The following CDC42BPG variants were observed in gnomAD, a reference collection of about 807,000 sequenced individuals.
The protein encoded by CDC42BPG is serine/threonine-protein kinase MRCK gamma.
Under a neutral mutation model 192.2 loss-of-function variants are expected in CDC42BPG, and 157 were observed. The ratio of observed to expected loss-of-function variants is 0.82; its 90% CI spans 0.72 to 0.93. The LOEUF (loss-of-function observed/expected upper bound fraction) is 0.93, where lower values mean the gene tolerates loss of function less well. Among genes scored for constraint, CDC42BPG ranks in the 40% least tolerant of loss-of-function variants. The probability of loss-of-function intolerance (pLI) is 0.00; values close to 1 mark genes in which losing one functional copy is unlikely to be tolerated. For missense variants in CDC42BPG, 1,992 were observed against 2,122.1 expected (o/e 0.94, Z 1.20); for synonymous variants, 981 against 918.5 (o/e 1.07, Z -1.23).
chr11:64,824,557 G>A (rs1178152861), intron 36 of CDC42BPG, 28 bp from the exon 37 acceptor site: 1 of 1,556,850 alleles, frequency 6.4e-7, no homozygotes. Context: ...GGAAGTCAAG[G>A]GGTAGGATCA....
At chr11:64,836,641 C>T (rs1390925727) in intron 11 of CDC42BPG, 98 bp downstream of exon 11, 3 of 1,269,248 alleles carry the variant, frequency 2.4e-6, no homozygotes, top group Admixed American at 3.9e-5. Context: ...GTATAAAATG[C>T]TCTCCCAGGA....
Position 64,835,039 on chromosome 11 carries a change from G to T in CDC42BPG, c.2060+8C>A. The T allele has an allele frequency of 6.6e-7, 1 of 1,514,264 alleles. No individual in the cohort carries two copies. The highest frequency in any genetic ancestry group is 9.0e-7 in the Non-Finnish European group (1 of 1,117,216). 93.8% of individuals were successfully genotyped at this position (1,514,264 alleles called of 1,614,324 possible). On this transcript the variant is annotated splice_region_variant and intron_variant, in intron 17 of 36. Coordinates refer to ENST00000342711, the MANE Select transcript of CDC42BPG (RefSeq NM_017525.3). ...CGTTCCCCACCCCGACCCACCCCTGGCACCCACCAGCTGAGGATGTCGGCG... is the reference window on the plus strand; with the variant it reads ...CGTTCCCCACCCCGACCCACCCCTGTCACCCACCAGCTGAGGATGTCGGCG...
Position 64,830,545 on chromosome 11 carries a change from A to G in CDC42BPG, c.3305-289T>C, listed in dbSNP as rs530948800. On this transcript the variant is annotated intron_variant, in intron 28 of 36. Transcript: ENST00000342711. ...GGACAACGATGGTACTTCCTCACAG[A>G]GCAACTCTGAGGAAGCGAGGAAGTG... The G allele has an allele frequency of 3.5e-5, 18 of 519,316 alleles. No homozygotes were observed. The Admixed American group carries it at 5.5e-4, about 16-fold the overall frequency. The allele number at this position is 519,316 out of a possible 1,614,324, so 32.2% of individuals were successfully genotyped here. A position where few individuals can be genotyped will look rare whatever the true frequency, so the allele number is the denominator to read the frequency against.
chr11:64,827,872 G>A (rs762706530), intron 30 of CDC42BPG, 89 bp from the exon 31 acceptor site: 1 of 1,118,262 alleles, frequency 8.9e-7, no homozygotes, highest in Non-Finnish European at 1.3e-6. Flanking sequence ...TAACTACCAT[G>A]CCCCACGCTA....
At position 64,844,592 on chromosome 11, in the gene CDC42BPG, C is replaced by T; in HGVS notation, c.-23G>A. Reference sequence around the variant, plus strand: ...CATGGCTGCGGCCGGAGCCTCGCTGCTCGGCTACAGTCTGGCCGCCCGCAT... The same window carrying T: ...CATGGCTGCGGCCGGAGCCTCGCTGTTCGGCTACAGTCTGGCCGCCCGCAT... On this transcript the variant is annotated 5_prime_UTR_variant, in exon 1 of 37. Coordinates refer to ENST00000342711, the MANE Select transcript of CDC42BPG (RefSeq NM_017525.3). 5.6e-6 allele frequency: 7 copies of T among 1,257,012 alleles called. No individual in the cohort carries two copies. Among genetic ancestry groups the T allele is most frequent in the Non-Finnish European group, 6.0e-6 (6 of 1,001,116 alleles). The allele number at this position is 1,257,012 out of a possible 1,614,324, so 77.9% of individuals were successfully genotyped here. A position where few individuals can be genotyped will look rare whatever the true frequency, so the allele number is the denominator to read the frequency against.
In CDC42BPG at chr11:64,835,584, G is replaced by A. The variant is rs777733066; in HGVS notation, c.1796C>T (p.Pro599Leu). Residue 599 changes from proline (P) to leucine (L), a missense_variant, in exon 15 of 37, where the codon CCC (proline) becomes CTC (leucine). Around this residue, in one of 2 missense-constraint regions of CDC42BPG, gnomAD observed 1,656 missense variants for 1,844.3 expected, o/e 0.90. Transcript: ENST00000342711. ...GGCCTCCTGAGGCCCACCCTCAGGG[G>A]GTCCCATCCCGTTGGTCTCAGAGGC... ...HTASETNGMG[P>L]PEGGPQEAQL... 4 of 1,579,670 alleles carry A rather than the reference G, an allele frequency of 2.5e-6. No individual in the cohort carries two copies. The highest frequency in any genetic ancestry group is 3.4e-6 in the Non-Finnish European group (4 of 1,166,350).
At chr11:64,838,503 G>C (rs1001034216) in intron 8 of CDC42BPG, 151 bp downstream of exon 8, 45 of 1,110,658 alleles carry the variant, frequency 4.1e-5, no homozygotes, top group Middle Eastern at 3.0e-4. Context: ...GATGGTGGCT[G>C]GAACGGGTCA....
Position 64,826,688 on chromosome 11 carries a change from C to T in CDC42BPG, c.4496G>A (p.Gly1499Asp), listed in dbSNP as rs1220077704. 5 of 1,558,502 alleles carry T rather than the reference C, an allele frequency of 3.2e-6. No homozygotes were observed. The South Asian group carries it at 6.0e-5, about 19-fold the overall frequency. The change falls in exon 35 of 37, where the codon GGT becomes GAT. Residue 1499 changes from glycine (G) to aspartate (D), a missense_variant. Gly to Asp is a moderately conservative substitution (Grantham distance 94, BLOSUM62 -1). Transcript: ENST00000342711. The stretch of plus-strand genomic sequence containing the variant: ...GCCCTTACTGGGGTCTGCGTCTCCA[C>T]CGAGGCCTTCGCTGCCCATGGAGGC... ...RPASMGSEGL[G>D]GDADPMKRKP...
Position 64,833,567 on chromosome 11 carries a change from GC to G in CDC42BPG, c.2625+32del, listed in dbSNP as rs1394240973. 4 of 1,577,960 alleles carry G rather than the reference GC, an allele frequency of 2.5e-6. No homozygotes were observed. The African/African-American group carries it at 4.0e-5, about 16-fold the overall frequency. On this transcript the variant is annotated intron_variant, in intron 23 of 36. Coordinates refer to ENST00000342711, the MANE Select transcript of CDC42BPG (RefSeq NM_017525.3). ...ATTCAGCCTGGCAGAACTGCTTGGT[GC>G]CCCCACCCTGCTTGCCCCTCTGGGC...
Position 64,836,801 on chromosome 11 carries a change from G to C in CDC42BPG, c.1322C>G (p.Thr441Arg), listed in dbSNP as rs774816019. 6.2e-7 allele frequency: 1 copy of C among 1,605,140 alleles called. No individual in the cohort carries two copies. Among genetic ancestry groups the C allele is most frequent in the Admixed American group, 1.7e-5 (1 of 59,158 alleles). Residue 441 changes from threonine (T) to arginine (R), a missense_variant, in exon 11 of 37, where the codon ACA (threonine) becomes AGA (arginine). Physicochemically the swap from Thr to Arg is moderately conservative, Grantham distance 71 (BLOSUM62 -1). This residue lies in a region of CDC42BPG where 1,656 missense variants were observed against 1,844.3 expected (regional missense o/e 0.90). Transcript: ENST00000342711. Reference sequence around the variant, plus strand: ...TAGCTGCTCCAGCTCCCGATGGTCTGTGGGGGCGTGCAGGGCCTCTGGAGG... The same window carrying C: ...TAGCTGCTCCAGCTCCCGATGGTCTCTGGGGGCGTGCAGGGCCTCTGGAGG... ...RKHQEALHAP[T>R]DHRELEQLRK...
Position 64,827,685 on chromosome 11 carries a change from C to A in CDC42BPG, c.4065+1G>T. The A allele has an allele frequency of 6.2e-7, 1 of 1,610,162 alleles. No individual in the cohort carries two copies. ...ACCCCAGGGCTCTGGCGGACCCTCA[C>A]CTTCTTGAGCGGCACGGTCTGCACC... is the stretch of plus-strand genomic sequence containing the variant. On this transcript the variant is annotated splice_donor_variant, in intron 31 of 36. Coordinates refer to ENST00000342711, the MANE Select transcript of CDC42BPG (RefSeq NM_017525.3). LOFTEE classifies it high-confidence loss of function.
intron 1 of CDC42BPG, among the ~76,000 whole-genome samples, chr11:64,843,083 G>A (rs1290122021): frequency 2.0e-5 from 3 of 152,088 alleles, no homozygotes; most frequent in Admixed American, 1.3e-4. Flanking sequence ...GAGGGCCGAA[G>A]CCCAGGCCCA....
Position 64,836,705 on chromosome 11 carries a change from CTGGGGGGG to C in CDC42BPG, c.1384+26_1384+33del, listed in dbSNP as rs1943012154. 30 of 353,500 alleles carry C rather than the reference CTGGGGGGG, an allele frequency of 8.5e-5. 3 individuals are homozygous for C. The highest frequency in any genetic ancestry group is 1.3e-4 in the South Asian group (4 of 30,178). The allele number at this position is 353,500 out of a possible 1,614,324, so 21.9% of individuals were successfully genotyped here. On this transcript the variant is annotated intron_variant, in intron 11 of 36. Coordinates refer to ENST00000342711, the MANE Select transcript of CDC42BPG (RefSeq NM_017525.3). ...ACCCGAGCCCAGGTGGGACTCAGCC[CTGGGGGGG>C]GGGGGGGGGTGGGCGGAAGGGATAC...
Position 64,838,677 on chromosome 11 carries a change from C to T in CDC42BPG, c.1102G>A (p.Asp368Asn). 1 of 1,613,064 alleles carries T rather than the reference C, an allele frequency of 6.2e-7. No homozygotes were observed. The highest frequency in any genetic ancestry group is 8.5e-7 in the Non-Finnish European group (1 of 1,179,870). The change falls in exon 8 of 37, where the codon GAT becomes AAT. Residue 368 changes from aspartate to asparagine, a missense_variant. Physicochemically the swap from Asp to Asn is conservative, Grantham distance 23 (BLOSUM62 1). Around this residue, in one of 2 missense-constraint regions of CDC42BPG, gnomAD observed 1,656 missense variants for 1,844.3 expected, o/e 0.90. Coordinates refer to ENST00000342711, the MANE Select transcript of CDC42BPG (RefSeq NM_017525.3). ...GPMDTSNFDVDDDTLNHPGTL... is the reference protein window; with the variant it reads ...GPMDTSNFDVNDDTLNHPGTL... Reference sequence around the variant, plus strand: ...ACTGGATGGTTGAGGGTGTCGTCATCCACATCAAAGTTGGAGGTGTCCATG... The same window carrying T: ...ACTGGATGGTTGAGGGTGTCGTCATTCACATCAAAGTTGGAGGTGTCCATG...
Position 64,829,955 on chromosome 11 carries a change from C to T in CDC42BPG, c.3483G>A (p.Ala1161=), listed in dbSNP as rs201814328. 122 of 1,612,486 alleles carry T rather than the reference C, an allele frequency of 7.6e-5. 1 individual carries two copies. Among genetic ancestry groups the T allele is most frequent in the South Asian group, 5.5e-4 (50 of 91,054 alleles). The part of the protein sequence containing the change: ...RGPSVRLFAL[A]ELENIEVAGA... Reference sequence around the variant, plus strand: ...CTGCTACCTCTATGTTCTCCAGCTCCGCCAGGGCAAAGAGACGCACGCTGG... The same window carrying T: ...CTGCTACCTCTATGTTCTCCAGCTCTGCCAGGGCAAAGAGACGCACGCTGG... The change falls in exon 30 of 37, where the codon GCG becomes GCA. Residue 1161 remains alanine, a synonymous_variant. Transcript: ENST00000342711.
At chr11:64,844,310 C>T (rs1943408676) in intron 1 of CDC42BPG, 100 bp downstream of exon 1, 3 of 1,166,472 alleles carry the variant, frequency 2.6e-6, no homozygotes, top group East Asian at 3.2e-5. Flanking sequence ...GCGAGGGAAG[C>T]CCGTGGGGGT....
intron 30 of CDC42BPG, among the ~76,000 whole-genome samples, chr11:64,828,637 G>A (rs541893138): frequency 1.4e-4 from 21 of 152,316 alleles, no homozygotes; most frequent in Middle Eastern, 3.4e-3. Flanking sequence ...GGTACAGGCC[G>A]GGGCCGGTGG....
intron 8 of CDC42BPG, 74 bp downstream of exon 8, chr11:64,838,580 C>A: frequency 6.3e-7 from 1 of 1,582,524 alleles, no homozygotes; most frequent in South Asian, 1.1e-5. Context: ...CCCCAGGGGA[C>A]TTCAGAGGGA....
chr11:64,832,544 T>G, intron 26 of CDC42BPG, 35 bp from the exon 27 acceptor site: 1 of 1,613,866 alleles, frequency 6.2e-7, no homozygotes, highest in Non-Finnish European at 8.5e-7. Flanking sequence ...GAAATCTCCC[T>G]GTCCCTGACT....
Sources: allele counts gnomAD v4.1 joint callset (sites outside exome capture counted in the v4.1 genomes callset), GRCh38; gene constraint gnomAD v4.1.1; regional missense constraint gnomAD v4.1.1; transcripts MANE v1.5; gene names NCBI Gene and HGNC (gene_info 2026-07-23, HGNC 2026-07-21).